The following RUNX1 variants were observed in gnomAD, a reference collection of about 807,000 sequenced individuals.
RUNX1 encodes the protein runt-related transcription factor 1.
A neutral mutation model predicts 42.8 loss-of-function variants in RUNX1; 19 were observed. The ratio of observed to expected loss-of-function variants is 0.44; its 90% CI spans 0.31 to 0.65. The LOEUF is 0.65. RUNX1 is among the 30% of genes least tolerant of loss of function. The pLI is 0.07. For synonymous variants in RUNX1, 271 were observed against 289.4 expected (o/e 0.94, Z 0.64); for missense variants, 528 against 672.0 (o/e 0.79, Z 2.37).
intron 7 of RUNX1, among the ~76,000 whole-genome samples, chr21:34,826,964 C>A (rs1305558443): frequency 1.3e-5 from 2 of 152,106 alleles, no homozygotes; most frequent in Non-Finnish European, 2.9e-5. Context: ...CCATTAGGGG[C>A]AATTCTGGTG....
In RUNX1 at chr21:34,791,623, C is replaced by T. The variant is rs2056435828; in HGVS notation, c.*512G>A. Reference sequence around the variant, plus strand: ...CACCCAAATGCAAATACGCATTTTGCAATTGATAAGGTGCGGAAAAATTAA... The same window carrying T: ...CACCCAAATGCAAATACGCATTTTGTAATTGATAAGGTGCGGAAAAATTAA... On this transcript the variant is annotated 3_prime_UTR_variant, in exon 9 of 9. Transcript: ENST00000675419. 4.3e-6 allele frequency: 1 copy of T among 230,300 alleles called. No homozygotes were observed. Among genetic ancestry groups the T allele is most frequent in the East Asian group, 6.2e-5 (1 of 16,220 alleles). The allele number at this position is 230,300 out of a possible 1,614,324, so 14.3% of individuals were successfully genotyped here. A position where few individuals can be genotyped will look rare whatever the true frequency, so the allele number is the denominator to read the frequency against.
At chr21:34,903,345 C>T (rs569548254) in intron 2 of RUNX1, among the ~76,000 whole-genome samples, 8 of 152,102 alleles carry the variant, frequency 5.3e-5, no homozygotes, top group African/African-American at 1.9e-4. Flanking sequence ...AGTTTAATTC[C>T]TATTCAATAA....
chr21:34,978,080 G>C (rs1311961176), intron 2 of RUNX1, among the ~76,000 whole-genome samples: 3 of 152,182 alleles, frequency 2.0e-5, no homozygotes, highest in Non-Finnish European at 4.4e-5. Context: ...TGGGACTACA[G>C]TCACGTGCCA....
chr21:34,801,150 G>A (rs543022819), intron 7 of RUNX1, among the ~76,000 whole-genome samples: 119 of 151,654 alleles, frequency 7.8e-4, no homozygotes, highest in African/African-American at 2.7e-3. Flanking sequence ...TAAGACATGC[G>A]TATATACTAG....
At chr21:34,853,467 T>C (rs2057453174) in intron 6 of RUNX1, among the ~76,000 whole-genome samples, 1 of 152,214 alleles carries the variant, frequency 6.6e-6, no homozygotes, top group Non-Finnish European at 1.5e-5. Flanking sequence ...GTGCAGTTCT[T>C]AAAAACAGAC....
At chr21:34,973,704 A>G (rs1013361524) in intron 2 of RUNX1, among the ~76,000 whole-genome samples, 1 of 152,200 alleles carries the variant, frequency 6.6e-6, no homozygotes, top group African/African-American at 2.4e-5. Flanking sequence ...GAGACACTTT[A>G]TATTAAACCT....
chr21:34,870,184 C>T (rs1455236818), intron 5 of RUNX1, among the ~76,000 whole-genome samples: 1 of 152,198 alleles, frequency 6.6e-6, no homozygotes, highest in Admixed American at 6.5e-5. Context: ...AAAAGCAGAC[C>T]TCTGGTTGTT....
At chr21:34,808,284 C>A (rs2056709799) in intron 7 of RUNX1, among the ~76,000 whole-genome samples, 1 of 152,188 alleles carries the variant, frequency 6.6e-6, no homozygotes, top group Non-Finnish European at 1.5e-5. Flanking sequence ...GGGGCAGAAC[C>A]CTGCCTGGGT....
chr21:34,982,397 G>GGTGTGTGTGTGT (rs56091299), intron 2 of RUNX1, among the ~76,000 whole-genome samples: 16,917 of 148,100 alleles, frequency 0.11, 1,732 homozygotes, highest in African/African-American at 0.28. Flanking sequence ...AGTCAAAAGG[G>GGTGTGTGTGTGT]GTGTGTGTGT....
chr21:34,860,218 G>C (rs2057553344), intron 5 of RUNX1, among the ~76,000 whole-genome samples: 2 of 152,168 alleles, frequency 1.3e-5, no homozygotes, highest in Admixed American at 1.3e-4. Context: ...ATAAGTACTA[G>C]TAATAAAAAA....
chr21:34,873,112 T>G (rs1044226303), intron 5 of RUNX1, among the ~76,000 whole-genome samples: 34 of 152,208 alleles, frequency 2.2e-4, no homozygotes, highest in African/African-American at 8.2e-4. Flanking sequence ...TGATTAATAC[T>G]GACTATCCTC....
intron 6 of RUNX1, among the ~76,000 whole-genome samples, chr21:34,853,670 A>G (rs765046670): frequency 1.3e-5 from 2 of 152,188 alleles, no homozygotes; most frequent in Non-Finnish European, 1.5e-5. Context: ...AATGTTAGCT[A>G]TTGCTATTAT....
rs967317406 is a variant in RUNX1, at chr21:34,792,312, C to G, written c.1266G>C (p.Glu422Asp). The G allele has an allele frequency of 1.9e-5, 29 of 1,539,200 alleles. No homozygotes were observed. The highest frequency in any genetic ancestry group is 5.5e-5 in the African/African-American group (4 of 72,526). ...GCGGCAGGATGCGCGGCGGCGAGCG[C>G]TCGCCGCCCACCATGGAGAACTGGT... ...GSYQFSMVGG[E>D]RSPPRILPPC... Residue 422 changes from glutamate (E) to aspartate (D), a missense_variant, in exon 9 of 9, where the codon GAG (glutamate) becomes GAC (aspartate). Transcript: ENST00000675419. The surrounding 1 kb of genome is among the most constrained non-coding windows in gnomAD (Gnocchi z 6.9).
At chr21:34,932,550 A>G (rs529184067) in intron 2 of RUNX1, among the ~76,000 whole-genome samples, 1 of 152,320 alleles carries the variant, frequency 6.6e-6, no homozygotes, top group South Asian at 2.1e-4. Context: ...TATGTAAAAC[A>G]GTTACAATTT....
intron 2 of RUNX1, among the ~76,000 whole-genome samples, chr21:34,893,771 T>TG (rs2058105716): frequency 1.2e-5 from 1 of 80,024 alleles, no homozygotes; most frequent in African/African-American, 6.4e-5. Flanking sequence ...TAGTATGCTG[T>TG]TTTTTTTTTT....
At chr21:34,981,394 G>A (rs942988097) in intron 2 of RUNX1, among the ~76,000 whole-genome samples, 2 of 152,170 alleles carry the variant, frequency 1.3e-5, no homozygotes, top group Non-Finnish European at 2.9e-5. Context: ...ATCTGTAATG[G>A]TACTATTCAA....
intron 2 of RUNX1, among the ~76,000 whole-genome samples, chr21:35,004,499 A>G (rs2059069222): frequency 6.6e-6 from 1 of 152,206 alleles, no homozygotes; most frequent in Non-Finnish European, 1.5e-5. Flanking sequence ...ACAGCACGAC[A>G]ATTTCAGGAC....
chr21:34,872,750 C>G (rs2057758238), intron 5 of RUNX1, among the ~76,000 whole-genome samples: 1 of 152,068 alleles, frequency 6.6e-6, no homozygotes, highest in Non-Finnish European at 1.5e-5. Context: ...GTTGGGGAGG[C>G]TGTCAGGTTC....
intron 2 of RUNX1, among the ~76,000 whole-genome samples, chr21:35,021,079 G>A (rs553903590): frequency 6.6e-6 from 1 of 152,196 alleles, no homozygotes; most frequent in African/African-American, 2.4e-5. Context: ...GTGTCCACCA[G>A]GGATACTCTG....
Sources: allele counts gnomAD v4.1 joint callset (sites outside exome capture counted in the v4.1 genomes callset), GRCh38; gene constraint gnomAD v4.1.1; non-coding constraint Gnocchi (gnomAD v3.1); transcripts MANE v1.5; gene names NCBI Gene and HGNC (gene_info 2026-07-23, HGNC 2026-07-21).